The following DMXL1 variants were observed in gnomAD, a reference collection of about 807,000 sequenced individuals.
DMXL1 encodes the protein Dmx like 1.
A neutral mutation model predicts 319.2 loss-of-function variants in DMXL1; 99 were observed. That is an observed-to-expected ratio of 0.31 (90% CI 0.26 to 0.37). The LOEUF (loss-of-function observed/expected upper bound fraction) is 0.37. Ranked by LOEUF, DMXL1 falls within the 10% of genes least tolerant of loss-of-function variation. The pLI is 1.00. For missense variants in DMXL1, 3,745 were observed against 3,595.6 expected (o/e 1.04, Z -1.06); for synonymous variants, 1,385 against 1,235.2 (o/e 1.12, Z -2.54).
At chr5:119,118,673 C>G in intron 7 of DMXL1, 142 bp from the exon 8 acceptor site, 1 of 550,676 alleles carries the variant, frequency 1.8e-6, no homozygotes. Context: ...CAAGCATTTG[C>G]TGTGATGAAA....
At chr5:119,234,967 C>T (rs761175057) in intron 39 of DMXL1, among the ~76,000 whole-genome samples, 9 of 152,114 alleles carry the variant, frequency 5.9e-5, no homozygotes, top group Admixed American at 2.6e-4. Context: ...TATTTTAAGG[C>T]ACAAAAAACT....
In DMXL1 at chr5:119,102,007, G is replaced by A; in HGVS notation, c.285+1G>A. On this transcript the variant is annotated splice_donor_variant, in intron 3 of 43. Coordinates refer to ENST00000539542, the MANE Select transcript of DMXL1 (RefSeq NM_001290321.3). LOFTEE classifies it high-confidence loss of function. Reference sequence around the variant, plus strand: ...CCTACCAAAACAAAAGAAAAATTTGGTCAGTAATTTATGATTTCTTCTTTT... The same window carrying A: ...CCTACCAAAACAAAAGAAAAATTTGATCAGTAATTTATGATTTCTTCTTTT... 1 of 1,577,170 alleles carries A rather than the reference G, an allele frequency of 6.3e-7. No individual in the cohort carries two copies. Among genetic ancestry groups the A allele is most frequent in the Non-Finnish European group, 8.7e-7 (1 of 1,152,032 alleles).
chr5:119,137,492 G>A (rs955745625), intron 13 of DMXL1, among the ~76,000 whole-genome samples: 3 of 152,116 alleles, frequency 2.0e-5, no homozygotes, highest in African/African-American at 7.2e-5. Context: ...GAGGGGCTTG[G>A]GTGGATTGAT....
intron 19 of DMXL1, among the ~76,000 whole-genome samples, chr5:119,164,048 T>G (rs564891559): frequency 6.6e-6 from 1 of 151,664 alleles, no homozygotes; most frequent in African/African-American, 2.4e-5. Flanking sequence ...GATTCTGGAG[T>G]CTTTGCAGTG....
Position 119,148,932 on chromosome 5 carries a change from G to A in DMXL1, c.3105G>A (p.Gln1035=). ...CATTACTTATTGAAGATGGACTTCA[G>A]AGCAATAGTAGTATAACTGTACCTG... ...EWPLLIEDGL[Q]SNSSITVPGR... Residue 1035 remains glutamine, a synonymous_variant, in exon 18 of 44, where the codon CAG becomes CAA. Coordinates refer to ENST00000539542, the MANE Select transcript of DMXL1 (RefSeq NM_001290321.3). 1.9e-6 allele frequency: 3 copies of A among 1,613,926 alleles called. No homozygotes were observed. Among genetic ancestry groups the A allele is most frequent in the Non-Finnish European group, 2.5e-6 (3 of 1,179,828 alleles).
intron 37 of DMXL1, among the ~76,000 whole-genome samples, chr5:119,223,629 A>C (rs1785028166): frequency 6.6e-6 from 1 of 152,124 alleles, no homozygotes; most frequent in African/African-American, 2.4e-5. Context: ...GCCTCACTCT[A>C]CCCTCAACAA....
At chr5:119,233,234 T>C (rs1787113615) in intron 38 of DMXL1, 106 bp from the exon 39 acceptor site, 1 of 1,138,462 alleles carries the variant, frequency 8.8e-7, no homozygotes, top group South Asian at 1.6e-5. Context: ...TTTATATAAG[T>C]TGATTTAGAT....
rs1267800613 is a variant in DMXL1, at chr5:119,237,315, C to G, written c.8467-7C>G. The G allele has an allele frequency of 1.3e-6, 2 of 1,521,334 alleles. No individual in the cohort carries two copies. Among genetic ancestry groups the G allele is most frequent in the Admixed American group, 1.7e-5 (1 of 58,938 alleles). 94.2% of individuals were successfully genotyped at this position (1,521,334 alleles called of 1,614,324 possible). On this transcript the variant is annotated splice_region_variant and splice_polypyrimidine_tract_variant and intron_variant, in intron 39 of 43. Transcript: ENST00000539542. ...TTAAATACTTTTAAATATTTTCTTT[C>G]TCTAAGTTTGGAATAGTTGATGCTG...
chr5:119,152,251 T>C (rs1341690861), intron 19 of DMXL1, among the ~76,000 whole-genome samples: 1 of 152,194 alleles, frequency 6.6e-6, no homozygotes, highest in African/African-American at 2.4e-5. Context: ...TGAAGAAACA[T>C]ACTGGAGATG....
rs146392234 is a variant in DMXL1, at chr5:119,181,685, G to T, written c.7135+3441G>T. On this transcript the variant is annotated intron_variant, in intron 28 of 43. Transcript: ENST00000539542. ...AAATTAGCCGGGTGTGGTGGCATGT[G>T]CCTGTAGACCCAGCTACTCAGGAGG... Among the ~76,000 whole-genome samples, 512 of 152,296 alleles carry T rather than the reference G, an allele frequency of 3.4e-3. 2 individuals are homozygous for T. Among genetic ancestry groups the T allele is most frequent in the African/African-American group, 0.012 (496 of 41,564 alleles).
Position 119,078,924 on chromosome 5 carries a change from C to G in DMXL1, c.87+7268C>G, listed in dbSNP as rs114780209. ...TAGCATGAGTTAATTTAGCAACAGT[C>G]TTTGTTGCCAGTATCCTTTAACTGT... On this transcript the variant is annotated intron_variant, in intron 1 of 43. Coordinates refer to ENST00000539542, the MANE Select transcript of DMXL1 (RefSeq NM_001290321.3). Among the ~76,000 whole-genome samples the G allele has an allele frequency of 3.9e-3, 598 of 152,280 alleles. 3 individuals carry two copies. Among genetic ancestry groups the G allele is most frequent in the African/African-American group, 0.014 (587 of 41,564 alleles).
intron 19 of DMXL1, among the ~76,000 whole-genome samples, chr5:119,160,859 A>G (rs1772124241): frequency 6.6e-6 from 1 of 152,134 alleles, no homozygotes; most frequent in Non-Finnish European, 1.5e-5. Flanking sequence ...CTATTTGAGT[A>G]GGATTTATTT....
intron 25 of DMXL1, among the ~76,000 whole-genome samples, chr5:119,172,407 C>G (rs1255420253): frequency 6.6e-6 from 1 of 152,178 alleles, no homozygotes; most frequent in Non-Finnish European, 1.5e-5. Context: ...TGTCATCCTT[C>G]TAGGATAGGC....
chr5:119,158,961 G>C (rs529689481), intron 19 of DMXL1, among the ~76,000 whole-genome samples: 40 of 152,090 alleles, frequency 2.6e-4, no homozygotes, highest in South Asian at 8.3e-4. Context: ...CATTTTGCCT[G>C]GCATTGGCAT....
intron 15 of DMXL1, among the ~76,000 whole-genome samples, chr5:119,145,388 T>C (rs952175830): frequency 6.6e-6 from 1 of 151,834 alleles, no homozygotes; most frequent in Non-Finnish European, 1.5e-5. Flanking sequence ...TTTCTTACCA[T>C]TGCTTTTAGT....
chr5:119,087,785 A>C (rs1204063284), intron 1 of DMXL1, among the ~76,000 whole-genome samples: 2 of 151,776 alleles, frequency 1.3e-5, no homozygotes, highest in African/African-American at 4.8e-5. Context: ...ATTTAGATCT[A>C]TTCATGTTTG....
At chr5:119,192,398 A>G (rs1205172199) in intron 29 of DMXL1, among the ~76,000 whole-genome samples, 1 of 152,104 alleles carries the variant, frequency 6.6e-6, no homozygotes, top group Non-Finnish European at 1.5e-5. Context: ...AGTATCTCCC[A>G]TTCCAAACCC....
At chr5:119,197,678 C>G (rs1779891754) in intron 31 of DMXL1, 77 bp from the exon 32 acceptor site, 13 of 1,318,394 alleles carry the variant, frequency 9.9e-6, no homozygotes, top group Non-Finnish European at 1.3e-5. Flanking sequence ...TCTCCCCTCT[C>G]TCATTTCAGT....
intron 28 of DMXL1, among the ~76,000 whole-genome samples, chr5:119,179,366 C>T (rs1359451086): frequency 1.3e-5 from 2 of 148,588 alleles, no homozygotes; most frequent in Non-Finnish European, 3.0e-5. Flanking sequence ...GGTTATTTAT[C>T]TCTTTATGAG....
Sources: gnomAD v4.1 joint callset for allele counts (sites outside exome capture counted in the v4.1 genomes callset) on GRCh38, gnomAD v4.1.1 for gene constraint, MANE v1.5 for transcripts, NCBI Gene and HGNC (gene_info 2026-07-23, HGNC 2026-07-21) for gene names.